CDK5RAP2: variants seen among roughly 807,000 people sequenced by gnomAD.
CDK5RAP2 encodes CDK5 regulatory subunit-associated protein 2.
CDK5RAP2 carries 147 observed loss-of-function variants against 232.9 expected under a neutral mutation model. The observed-to-expected ratio is 0.63, with a 90% CI of 0.55 to 0.72. The LOEUF (loss-of-function observed/expected upper bound fraction) is 0.72, where lower values mean the gene tolerates loss of function less well. Ranked by LOEUF, CDK5RAP2 falls within the 30% of genes least tolerant of loss-of-function variation. The pLI is 0.00. For synonymous variants in CDK5RAP2, 833 were observed against 833.7 expected, an observed-to-expected ratio of 1.00 and a Z score of 0.01; for missense variants, 2,195 against 2,231.5, an observed-to-expected ratio of 0.98 and a Z score of 0.33.
intron 26 of CDK5RAP2, among the ~76,000 whole-genome samples, chr9:120,421,222 C>T (rs2034549355): frequency 6.6e-6 from 1 of 152,210 alleles, no homozygotes; most frequent in Non-Finnish European, 1.5e-5. Context: ...TTGCCTCAGG[C>T]TTGGACATTC....
rs886063403 is a variant in CDK5RAP2, at chr9:120,580,132, G to A, written c.-154C>T. The A allele has an allele frequency of 1.5e-5, 9 of 590,342 alleles. No homozygotes were observed. Among genetic ancestry groups the A allele is most frequent in the African/African-American group, 3.8e-5 (2 of 53,078 alleles). 36.6% of individuals were successfully genotyped at this position (590,342 alleles called of 1,614,324 possible). On this transcript the variant is annotated 5_prime_UTR_variant, in exon 1 of 38. Coordinates refer to ENST00000349780, the MANE Select transcript of CDK5RAP2 (RefSeq NM_018249.6). ...CGCCGCTGGAATTCAAACCACAGAC[G>A]CCGCCATCTTTCCCGGCGCTTCTTC...
Position 120,536,448 on chromosome 9 carries a change from C to G in CDK5RAP2, c.586G>C (p.Glu196Gln), listed in dbSNP as rs2041389474. 6.2e-7 allele frequency: 1 copy of G among 1,614,200 alleles called. No homozygotes were observed. The highest frequency in any genetic ancestry group is 2.2e-5 in the East Asian group (1 of 44,878). ...TTCTTCATCTCTGAAAGCTTGCTTT[C>G]CAAACGCAACCGAAGAGCCTTCTCC... is the stretch of plus-strand genomic sequence containing the variant. ...ETEKALRLRL[E>Q]SKLSEMKKMH... Residue 196 changes from glutamate to glutamine, a missense_variant, in exon 7 of 38, where the codon GAA becomes CAA. Glu to Gln is a conservative substitution (Grantham distance 29). Coordinates refer to ENST00000349780, the MANE Select transcript of CDK5RAP2 (RefSeq NM_018249.6).
chr9:120,422,647 C>T (rs534531261), intron 26 of CDK5RAP2, 46 bp downstream of exon 26: 1 of 1,455,706 alleles, frequency 6.9e-7, no homozygotes, highest in South Asian at 1.1e-5. Flanking sequence ...GTAAATCAGA[C>T]CTAGAAAGTC....
intron 11 of CDK5RAP2, among the ~76,000 whole-genome samples, chr9:120,521,545 G>GT (rs2040655245): frequency 6.6e-6 from 1 of 151,884 alleles, no homozygotes; most frequent in African/African-American, 2.4e-5. Flanking sequence ...TCTCTTGCCT[G>GT]TGTCATGTAA....
chr9:120,411,973 AAG>A (rs2033878359), intron 28 of CDK5RAP2, among the ~76,000 whole-genome samples: 1 of 112,784 alleles, frequency 8.9e-6, no homozygotes, highest in African/African-American at 3.5e-5. Flanking sequence ...CTGCCCAGTC[AAG>A]CAATCATGAC....
chr9:120,466,346 T>G (rs775351274), intron 18 of CDK5RAP2, among the ~76,000 whole-genome samples: 61 of 152,308 alleles, frequency 4.0e-4, no homozygotes, highest in Non-Finnish European at 6.6e-4. Context: ...AAGATTACAA[T>G]GGGCACACCA....
intron 21 of CDK5RAP2, among the ~76,000 whole-genome samples, chr9:120,452,647 C>CA (rs1035642617): frequency 1.6e-4 from 24 of 151,314 alleles, no homozygotes; most frequent in South Asian, 8.5e-4. Flanking sequence ...GAAACATTGC[C>CA]AAAAGAATCT....
rs755921046 is a variant in CDK5RAP2, at chr9:120,470,168, A to C, written c.1911T>G (p.Leu637=). 3 of 1,600,060 alleles carry C rather than the reference A, an allele frequency of 1.9e-6. No individual in the cohort carries two copies. In the South Asian group the frequency reaches 3.3e-5, roughly 18 times the overall value. Residue 637 remains leucine (L), a synonymous_variant, in exon 17 of 38, where the codon CTT becomes CTG. Coordinates refer to ENST00000349780, the MANE Select transcript of CDK5RAP2 (RefSeq NM_018249.6). Reference sequence around the variant, plus strand: ...CCACTTGAAACCGATTGTTTTCTTCAAGGCAAATACTTAGATAAGATGTTT... The same window carrying C: ...CCACTTGAAACCGATTGTTTTCTTCCAGGCAAATACTTAGATAAGATGTTT... ...SDQTSYLSIC[L]EENNRFQVEH...
chr9:120,468,241 C>G (rs1474329561), intron 17 of CDK5RAP2, among the ~76,000 whole-genome samples: 2 of 152,184 alleles, frequency 1.3e-5, no homozygotes, highest in Non-Finnish European at 2.9e-5. Flanking sequence ...GCAAACTGCA[C>G]AGTCTAAGCC....
At chr9:120,449,094 C>T (rs538351217) in intron 21 of CDK5RAP2, among the ~76,000 whole-genome samples, 21 of 152,324 alleles carry the variant, frequency 1.4e-4, no homozygotes, top group African/African-American at 4.6e-4. Flanking sequence ...TCCTGCAGGA[C>T]CTACAGCCTG....
At position 120,569,739 on chromosome 9, in the gene CDK5RAP2, T is replaced by C. The variant is rs147111584; in HGVS notation, c.128-1351A>G. Among the ~76,000 whole-genome samples, 726 of 152,274 alleles carry C rather than the reference T, an allele frequency of 4.8e-3. 4 individuals are homozygous for C. Among genetic ancestry groups the C allele is most frequent in the African/African-American group, 0.017 (706 of 41,560 alleles). On this transcript the variant is annotated intron_variant, in intron 2 of 37. Transcript: ENST00000349780. ...GAAGGTTTGCAGCTAAGGAGTAAGATGATTCGACTTAGGTTTCTACAGGCT... is the reference window on the plus strand; with the variant it reads ...GAAGGTTTGCAGCTAAGGAGTAAGACGATTCGACTTAGGTTTCTACAGGCT...
At chr9:120,571,933 T>C (rs369216771) in intron 2 of CDK5RAP2, 41 bp downstream of exon 2, 48 of 1,517,828 alleles carry the variant, frequency 3.2e-5, no homozygotes, top group Admixed American at 2.0e-4. Flanking sequence ...TCTACTTTCC[T>C]TGTTCTTTAC....
chr9:120,487,591 C>T (rs1198146418), intron 13 of CDK5RAP2, among the ~76,000 whole-genome samples, 154 bp from the exon 14 acceptor site: 1 of 152,196 alleles, frequency 6.6e-6, no homozygotes, highest in Non-Finnish European at 1.5e-5. Flanking sequence ...TAGGCAATTA[C>T]AAAACTGTCA....
chr9:120,474,591 T>C lies in CDK5RAP2; in HGVS notation c.1728-2713A>G, dbSNP rs190659317. ...GATGGGGAGTGTATCAGCAAGAACC[T>C]GGGTTGGGAGCCAAGACGACCTAAG... On this transcript the variant is annotated intron_variant, in intron 15 of 37. Transcript: ENST00000349780. Among the ~76,000 whole-genome samples, 11 of 152,270 alleles carry C rather than the reference T, an allele frequency of 7.2e-5. No individual in the cohort carries two copies. The East Asian group carries it at 2.1e-3, about 29-fold the overall frequency.
chr9:120,414,547 A>G (rs534671546), intron 28 of CDK5RAP2, among the ~76,000 whole-genome samples: 7 of 152,198 alleles, frequency 4.6e-5, no homozygotes, highest in Non-Finnish European at 1.0e-4. Flanking sequence ...AAGAAAAGAA[A>G]AAAGTGGAGA....
intron 14 of CDK5RAP2, among the ~76,000 whole-genome samples, chr9:120,486,618 C>T (rs192356600): frequency 1.7e-3 from 262 of 152,134 alleles, no homozygotes; most frequent in Non-Finnish European, 2.9e-3. Context: ...TGAGAGGAAG[C>T]GGAAAGGTGG....
chr9:120,391,585 G>A (rs1428151153), intron 36 of CDK5RAP2, among the ~76,000 whole-genome samples: 1 of 152,214 alleles, frequency 6.6e-6, no homozygotes, highest in African/African-American at 2.4e-5. Flanking sequence ...TCCTCGCTTT[G>A]CAAATGAGGA....
intron 1 of CDK5RAP2, among the ~76,000 whole-genome samples, chr9:120,572,520 C>G (rs1323765864): frequency 8.5e-5 from 13 of 152,212 alleles, no homozygotes; most frequent in Admixed American, 8.5e-4. Context: ...CTCTGGGAAT[C>G]AGACACCAAT....
intron 1 of CDK5RAP2, among the ~76,000 whole-genome samples, chr9:120,578,809 G>C (rs144140298): frequency 4.1e-4 from 62 of 151,878 alleles, no homozygotes; most frequent in Admixed American, 4.1e-3. Flanking sequence ...TCAAGAAATC[G>C]GCCCACCTCG....
Sources: allele counts gnomAD v4.1 joint callset (sites outside exome capture counted in the v4.1 genomes callset), GRCh38; gene constraint gnomAD v4.1.1; transcripts MANE v1.5; gene names NCBI Gene and HGNC (gene_info 2026-07-23, HGNC 2026-07-21).